BRINP3: variants seen among roughly 807,000 people sequenced by gnomAD.
The protein encoded by BRINP3 is BMP/retinoic acid inducible neural specific 3, also known as BMP/retinoic acid-inducible neural-specific protein 3.
A neutral mutation model predicts 71.0 loss-of-function variants in BRINP3; 19 were observed. That is an observed-to-expected ratio of 0.27 (90% CI 0.19 to 0.39). BRINP3 has a LOEUF of 0.39. BRINP3 is among the 10% of genes least tolerant of loss of function. BRINP3 has a pLI of 1.00. For missense variants in BRINP3, 959 were observed against 940.8 expected (o/e 1.02, Z -0.25); for synonymous variants, 380 against 337.7 (o/e 1.13, Z -1.37).
intron 1 of BRINP3, among the ~76,000 whole-genome samples, chr1:190,456,747 G>A (rs1208517629): frequency 6.6e-6 from 1 of 151,008 alleles, no homozygotes; most frequent in Non-Finnish European, 1.5e-5. Flanking sequence ...CATTTAAACG[G>A]GCAAAATTTA....
intron 1 of BRINP3, among the ~76,000 whole-genome samples, chr1:190,471,193 A>T (rs187842270): frequency 6.6e-6 from 1 of 151,246 alleles, no homozygotes; most frequent in Non-Finnish European, 1.5e-5. Flanking sequence ...TGGCTATTTG[A>T]TGCTATTAAA....
chr1:190,406,563 G>A (rs1296555483), intron 2 of BRINP3, among the ~76,000 whole-genome samples: 1 of 152,072 alleles, frequency 6.6e-6, no homozygotes, highest in Non-Finnish European at 1.5e-5. Context: ...GCTTTTAGAT[G>A]AACTGAGATA....
At chr1:190,189,166 A>C (rs1653810626) in intron 6 of BRINP3, among the ~76,000 whole-genome samples, 1 of 152,076 alleles carries the variant, frequency 6.6e-6, no homozygotes, top group Non-Finnish European at 1.5e-5. Flanking sequence ...GTTAAGTGTG[A>C]TTGGAATTAT....
At chr1:190,125,245 G>C (rs1007412546) in intron 7 of BRINP3, among the ~76,000 whole-genome samples, 3 of 151,532 alleles carry the variant, frequency 2.0e-5, no homozygotes, top group Admixed American at 2.0e-4. Flanking sequence ...TTCTAAAGAG[G>C]TAATAGTGAA....
chr1:190,310,625 T>C (rs1365208044), intron 2 of BRINP3, among the ~76,000 whole-genome samples: 2 of 151,608 alleles, frequency 1.3e-5, no homozygotes, highest in East Asian at 1.9e-4. Flanking sequence ...ATTATCATCT[T>C]CTCATATGTA....
intron 2 of BRINP3, among the ~76,000 whole-genome samples, chr1:190,338,379 A>G (rs558384657): frequency 1.3e-5 from 2 of 152,142 alleles, no homozygotes; most frequent in South Asian, 4.1e-4. Context: ...TTTTTTTCTG[A>G]ATATTCTAAG....
At chr1:190,318,314 A>G (rs1157789663) in intron 2 of BRINP3, among the ~76,000 whole-genome samples, 1 of 152,138 alleles carries the variant, frequency 6.6e-6, no homozygotes, top group Non-Finnish European at 1.5e-5. Flanking sequence ...GGGGGCATGT[A>G]ATGATTCTTG....
At chr1:190,467,388 T>C (rs908998551) in intron 1 of BRINP3, among the ~76,000 whole-genome samples, 1 of 151,570 alleles carries the variant, frequency 6.6e-6, no homozygotes. Context: ...AAAACAGAAG[T>C]GATCGACAAC....
intron 3 of BRINP3, among the ~76,000 whole-genome samples, chr1:190,269,841 A>G (rs1296402728): frequency 1.3e-5 from 2 of 152,036 alleles, no homozygotes; most frequent in East Asian, 1.9e-4. Flanking sequence ...TACAGGGAAC[A>G]TTGGCAATAT....
At chr1:190,455,928 G>C (rs1675953661) in intron 1 of BRINP3, among the ~76,000 whole-genome samples, 3 of 152,038 alleles carry the variant, frequency 2.0e-5, no homozygotes, top group Admixed American at 2.0e-4. Context: ...AAAAATATTT[G>C]AATTCAATTT....
chr1:190,264,436 T>C (rs1188803198), intron 4 of BRINP3, among the ~76,000 whole-genome samples: 1 of 152,196 alleles, frequency 6.6e-6, no homozygotes, highest in Non-Finnish European at 1.5e-5. Context: ...GCAGGACTTC[T>C]TAAAAATATT....
chr1:190,328,507 C>G (rs1666753983), intron 2 of BRINP3, among the ~76,000 whole-genome samples: 1 of 151,772 alleles, frequency 6.6e-6, no homozygotes. Context: ...AAAAACTGAA[C>G]AGAATAATAT....
At chr1:190,371,564 T>C (rs1480420499) in intron 2 of BRINP3, among the ~76,000 whole-genome samples, 8 of 152,196 alleles carry the variant, frequency 5.3e-5, no homozygotes. Flanking sequence ...TCATGATGCT[T>C]TGATTACTAT....
chr1:190,174,474 AAAT>A (rs929797373), intron 6 of BRINP3, among the ~76,000 whole-genome samples: 27 of 152,168 alleles, frequency 1.8e-4, no homozygotes, highest in African/African-American at 6.3e-4. Context: ...ATAAACACAT[AAAT>A]ATGATATATA....
intron 2 of BRINP3, among the ~76,000 whole-genome samples, chr1:190,425,122 A>G (rs540235706): frequency 2.0e-5 from 3 of 151,890 alleles, no homozygotes; most frequent in South Asian, 2.1e-4. Context: ...AGAAAATAAC[A>G]AAGTTTAAAA....
chr1:190,255,081 G>C (rs963443587), intron 4 of BRINP3, among the ~76,000 whole-genome samples: 2 of 150,960 alleles, frequency 1.3e-5, no homozygotes, highest in African/African-American at 4.9e-5. Flanking sequence ...TATGGTTATT[G>C]ATTTGCATAT....
intron 2 of BRINP3, among the ~76,000 whole-genome samples, chr1:190,439,124 G>A (rs192167049): frequency 6.6e-6 from 1 of 151,866 alleles, no homozygotes. Flanking sequence ...AGGTGAGTAC[G>A]TTTCTTCCCT....
chr1:190,114,033 T>C (rs1652913202), intron 7 of BRINP3, among the ~76,000 whole-genome samples: 1 of 152,074 alleles, frequency 6.6e-6, no homozygotes, highest in Admixed American at 6.6e-5. Flanking sequence ...CCCACCCAAA[T>C]CTCATGTTGA....
intron 7 of BRINP3, among the ~76,000 whole-genome samples, chr1:190,156,926 T>C (rs2102444204): frequency 6.6e-6 from 1 of 152,200 alleles, no homozygotes; most frequent in South Asian, 2.1e-4. Context: ...TGAACTTGTA[T>C]AGCATTTTTG....
Sources: allele counts gnomAD v4.1 joint callset (sites outside exome capture counted in the v4.1 genomes callset), GRCh38; gene constraint gnomAD v4.1.1; transcripts MANE v1.5; gene names NCBI Gene and HGNC (gene_info 2026-07-23, HGNC 2026-07-21).